Variants in EPHB1 observed in about 807,000 individuals in gnomAD.
EPHB1 encodes the protein EPH receptor B1, also known as ephrin type-B receptor 1.
A neutral mutation model predicts 94.4 loss-of-function variants in EPHB1; 30 were observed. The observed-to-expected ratio is 0.32, with a 90% CI of 0.24 to 0.43. The LOEUF (loss-of-function observed/expected upper bound fraction) is 0.43, where lower values mean the gene tolerates loss of function less well. Among genes scored for constraint, EPHB1 ranks in the 20% least tolerant of loss-of-function variants. EPHB1 has a pLI of 1.00. For missense variants in EPHB1, 1,055 were observed against 1,308.3 expected (o/e 0.81, Z 2.99); for synonymous variants, 522 against 489.1 (o/e 1.07, Z -0.89).
intron 3 of EPHB1, among the ~76,000 whole-genome samples, chr3:135,105,966 G>A (rs370844938): frequency 1.3e-5 from 2 of 152,192 alleles, no homozygotes; most frequent in East Asian, 3.8e-4. Flanking sequence ...CCTCATGTGT[G>A]CTGCAACATG....
chr3:135,201,202 C>T (rs1016592827), intron 11 of EPHB1, among the ~76,000 whole-genome samples: 7 of 151,792 alleles, frequency 4.6e-5, no homozygotes, highest in South Asian at 2.1e-4. Flanking sequence ...TGGATGATGG[C>T]GACTTGGTTG....
chr3:134,818,763 T>C (rs2036320124), intron 1 of EPHB1, among the ~76,000 whole-genome samples: 1 of 152,262 alleles, frequency 6.6e-6, no homozygotes, highest in African/African-American at 2.4e-5. Flanking sequence ...ACAGTTTCTT[T>C]ATCCACTCCT....
intron 1 of EPHB1, among the ~76,000 whole-genome samples, chr3:134,817,111 G>A (rs988125980): frequency 1.1e-4 from 17 of 152,130 alleles, no homozygotes; most frequent in Non-Finnish European, 1.6e-4. Context: ...ATTAATCAAG[G>A]TAAGTAATAT....
chr3:135,244,512 G>A (rs1207707313), intron 13 of EPHB1, among the ~76,000 whole-genome samples: 1 of 152,146 alleles, frequency 6.6e-6, no homozygotes, highest in East Asian at 1.9e-4. Flanking sequence ...CTGCTCAGTA[G>A]GACACCCTAT....
intron 1 of EPHB1, among the ~76,000 whole-genome samples, chr3:134,885,793 A>G (rs2037851109): frequency 6.6e-6 from 1 of 152,198 alleles, no homozygotes; most frequent in South Asian, 2.1e-4. Context: ...TTCTTTGACC[A>G]AGGAACCCCT....
chr3:134,797,503 C>G lies in EPHB1; in HGVS notation c.58+1814C>G, dbSNP rs890655713. 2.0e-5 allele frequency among the ~76,000 whole-genome samples: 3 copies of G among 152,350 alleles called. No individual in the cohort carries two copies. The East Asian group carries it at 5.8e-4, about 29-fold the overall frequency. On this transcript the variant is annotated intron_variant, in intron 1 of 15. Coordinates refer to ENST00000398015, the MANE Select transcript of EPHB1 (RefSeq NM_004441.5). ...GCCCCCAGAGGTTCAGTGGCCGGGTCTCAGAGGAGATGGGTGCCCACTTTG... is the reference window on the plus strand; with the variant it reads ...GCCCCCAGAGGTTCAGTGGCCGGGTGTCAGAGGAGATGGGTGCCCACTTTG...
chr3:135,058,392 C>T (rs1344728394), intron 3 of EPHB1, among the ~76,000 whole-genome samples: 1 of 152,174 alleles, frequency 6.6e-6, no homozygotes, highest in Non-Finnish European at 1.5e-5. Context: ...GAATGGGCCC[C>T]TGTACATCCT....
chr3:134,968,173 C>T (rs1933835273), intron 3 of EPHB1, among the ~76,000 whole-genome samples: 1 of 152,198 alleles, frequency 6.6e-6, no homozygotes, highest in South Asian at 2.1e-4. Flanking sequence ...TAAATGATGA[C>T]ATAACAGCAC....
chr3:135,181,292 C>T (rs1246182111), intron 10 of EPHB1, among the ~76,000 whole-genome samples: 2 of 152,204 alleles, frequency 1.3e-5, no homozygotes, highest in Non-Finnish European at 2.9e-5. Flanking sequence ...GGAGTTTCAG[C>T]TGGGTCACCA....
chr3:135,162,085 G>T lies in EPHB1; in HGVS notation c.1490G>T (p.Arg497Leu), dbSNP rs201303544. Residue 497 changes from arginine (R) to leucine (L), a missense_variant, in exon 7 of 16, where the codon CGG (arginine) becomes CTG (leucine). Physicochemically the swap from Arg to Leu is moderately radical, Grantham distance 102 (BLOSUM62 -2). Coordinates refer to ENST00000398015, the MANE Select transcript of EPHB1 (RefSeq NM_004441.5). Reference sequence around the variant, plus strand: ...AACACAGCAAGGATTGATGGGCTGCGGCCTGGCATGGTATATGTGGTACAG... The same window carrying T: ...AACACAGCAAGGATTGATGGGCTGCTGCCTGGCATGGTATATGTGGTACAG... ...QTNTARIDGLRPGMVYVVQVR... is the reference protein window; with the variant it reads ...QTNTARIDGLLPGMVYVVQVR... The T allele has an allele frequency of 2.9e-4, 474 of 1,613,500 alleles. No individual in the cohort carries two copies. The highest frequency in any genetic ancestry group is 2.8e-4 in the Non-Finnish European group (336 of 1,179,690).
intron 2 of EPHB1, among the ~76,000 whole-genome samples, chr3:134,935,708 A>T (rs886455249): frequency 6.6e-6 from 1 of 152,198 alleles, no homozygotes; most frequent in Non-Finnish European, 1.5e-5. Context: ...CTTGTATGGG[A>T]TGAGGGTGGC....
At position 134,956,005 on chromosome 3, in the gene EPHB1, G is replaced by A. The variant is rs899387760; in HGVS notation, c.805+3953G>A. ...TGGCTCTTCCTGTGCCAGGGAGGCC[G>A]AGTTGGCTCTCAGCAGACTCTCTCT... On this transcript the variant is annotated intron_variant, in intron 3 of 15. Coordinates refer to ENST00000398015, the MANE Select transcript of EPHB1 (RefSeq NM_004441.5). Among the ~76,000 whole-genome samples, 8 of 152,086 alleles carry A rather than the reference G, an allele frequency of 5.3e-5. No individual in the cohort carries two copies. In the East Asian group the frequency reaches 1.2e-3, roughly 22 times the overall value.
Position 134,908,076 on chromosome 3 carries a change from C to T in EPHB1, c.59-17740C>T, listed in dbSNP as rs189003444. On this transcript the variant is annotated intron_variant, in intron 1 of 15. Transcript: ENST00000398015. ...CCTCACTGATTCAGTCACTCATGGGCTTGTGCTTTGTGTCCAGCCCTTGCC... is the reference window on the plus strand; with the variant it reads ...CCTCACTGATTCAGTCACTCATGGGTTTGTGCTTTGTGTCCAGCCCTTGCC... Among the ~76,000 whole-genome samples, 325 of 152,374 alleles carry T rather than the reference C, an allele frequency of 2.1e-3. 1 individual carries two copies. The highest frequency in any genetic ancestry group is 7.7e-3 in the African/African-American group (319 of 41,594).
At chr3:135,052,890 A>AAAATAT (rs1553726757) in intron 3 of EPHB1, among the ~76,000 whole-genome samples, 14 of 54,606 alleles carry the variant, frequency 2.6e-4, no homozygotes, top group East Asian at 1.2e-3. Context: ...AAAAAAAAAA[A>AAAATAT]ATATATATAT....
chr3:134,892,627 A>T (rs1004338242), intron 1 of EPHB1, among the ~76,000 whole-genome samples: 2 of 152,142 alleles, frequency 1.3e-5, no homozygotes, highest in Admixed American at 1.3e-4. Context: ...AGAAAATGGG[A>T]TCTCTCTTGG....
chr3:135,252,091 G>C (rs1263665380), intron 15 of EPHB1, among the ~76,000 whole-genome samples: 3 of 151,932 alleles, frequency 2.0e-5, no homozygotes, highest in Non-Finnish European at 2.9e-5. Flanking sequence ...TAATGGAATG[G>C]CACATGCAAA....
chr3:134,890,320 T>C (rs1305409327), intron 1 of EPHB1, among the ~76,000 whole-genome samples: 1 of 152,246 alleles, frequency 6.6e-6, no homozygotes, highest in East Asian at 1.9e-4. Flanking sequence ...CTAAATAATA[T>C]GTTTGAGAGA....
At chr3:135,002,702 A>G (rs2107743773) in intron 3 of EPHB1, among the ~76,000 whole-genome samples, 1 of 152,224 alleles carries the variant, frequency 6.6e-6, no homozygotes, top group South Asian at 2.1e-4. Flanking sequence ...TGTATGTGTG[A>G]AGGAATTTAT....
At chr3:134,853,844 GGTTCCATATAGGA>G (rs1473033580) in intron 1 of EPHB1, among the ~76,000 whole-genome samples, 1 of 152,126 alleles carries the variant, frequency 6.6e-6, no homozygotes, top group East Asian at 1.9e-4. Flanking sequence ...CAGAGACAGG[GGTTCCATATAGGA>G]GCAACTTCAC....
Sources: allele counts gnomAD v4.1 joint callset (sites outside exome capture counted in the v4.1 genomes callset), GRCh38; gene constraint gnomAD v4.1.1; transcripts MANE v1.5; gene names NCBI Gene and HGNC (gene_info 2026-07-23, HGNC 2026-07-21).